Variants in CCDC180 observed in about 807,000 individuals in gnomAD.
CCDC180 encodes the protein coiled-coil domain-containing protein 180.
A neutral mutation model predicts 209.2 loss-of-function variants in CCDC180; 154 were observed. The observed-to-expected ratio is 0.74, with a 90% CI of 0.65 to 0.84. The LOEUF (loss-of-function observed/expected upper bound fraction) is 0.84. CCDC180 is among the 40% of genes least tolerant of loss of function. The probability of loss-of-function intolerance (pLI) is 0.00; values close to 1 mark genes in which losing one functional copy is unlikely to be tolerated. For synonymous variants in CCDC180, 778 were observed against 749.1 expected, an observed-to-expected ratio of 1.04 and a Z score of -0.63; for missense variants, 1,874 against 1,997.3, an observed-to-expected ratio of 0.94 and a Z score of 1.18.
In CCDC180 at chr9:97,369,908, C is replaced by T. The variant is rs761729599; in HGVS notation, c.4190-14C>T. The T allele has an allele frequency of 6.8e-6, 11 of 1,613,808 alleles. No homozygotes were observed. The highest frequency in any genetic ancestry group is 3.3e-5 in the Admixed American group (2 of 59,990). On this transcript the variant is annotated splice_polypyrimidine_tract_variant and intron_variant, in intron 31 of 36. Coordinates refer to ENST00000529487, the MANE Select transcript of CCDC180 (RefSeq NM_020893.6). Reference sequence around the variant, plus strand: ...CTGTTCCCTCCCTTGGCCTCTTACCCGCACTTCTGGCAGAATTACGGATCC... The same window carrying T: ...CTGTTCCCTCCCTTGGCCTCTTACCTGCACTTCTGGCAGAATTACGGATCC...
intron 34 of CCDC180, 146 bp from the exon 35 acceptor site, chr9:97,374,397 T>C: frequency 3.2e-6 from 2 of 624,280 alleles, no homozygotes; most frequent in Non-Finnish European, 5.6e-6. Flanking sequence ...GCATTCAGCT[T>C]CTCCATGGAG....
chr9:97,324,938 A>T (rs3747498), intron 13 of CCDC180, 81 bp from the exon 14 acceptor site: 2 of 1,338,582 alleles, frequency 1.5e-6, no homozygotes, highest in Admixed American at 4.2e-5. Flanking sequence ...CGTTAGAGAC[A>T]GGGGGTCCCA....
At position 97,330,579 on chromosome 9, in the gene CCDC180, A is replaced by G. The variant is rs1825708947; in HGVS notation, c.2086A>G (p.Met696Val). ...AGGCTCTATTCAGGGACTGGAAGAAATGCAGGTTGAAAGAGAGGGCTCCTT... is the reference window on the plus strand; with the variant it reads ...AGGCTCTATTCAGGGACTGGAAGAAGTGCAGGTTGAAAGAGAGGGCTCCTT... ...KEGSIQGLEEMQVEREGSLNP... is the reference protein window; with the variant it reads ...KEGSIQGLEEVQVEREGSLNP... Residue 696 changes from methionine (M) to valine (V), a missense_variant, in exon 18 of 37, where the codon ATG becomes GTG. Coordinates refer to ENST00000529487, the MANE Select transcript of CCDC180 (RefSeq NM_020893.6). 6.2e-7 allele frequency: 1 copy of G among 1,614,042 alleles called. No individual in the cohort carries two copies. The highest frequency in any genetic ancestry group is 1.3e-5 in the African/African-American group (1 of 74,904).
chr9:97,343,336 T>C lies in CCDC180; in HGVS notation c.2275-4T>C. The stretch of plus-strand genomic sequence containing the variant: ...AGTCAACTTTAGTGTTATTGCCTGC[T>C]TAGGAAGAAGACAAGGAAGAGGGTC... On this transcript the variant is annotated splice_region_variant and splice_polypyrimidine_tract_variant and intron_variant, in intron 18 of 36. Transcript: ENST00000529487. The C allele has an allele frequency of 1.3e-6, 2 of 1,587,188 alleles. No homozygotes were observed. Among genetic ancestry groups the C allele is most frequent in the Non-Finnish European group, 1.7e-6 (2 of 1,156,036 alleles).
Position 97,360,057 on chromosome 9 carries a change from A to G in CCDC180, c.3439A>G (p.Asn1147Asp). 1 of 1,614,050 alleles carries G rather than the reference A, an allele frequency of 6.2e-7. No homozygotes were observed. Among genetic ancestry groups the G allele is most frequent in the Non-Finnish European group, 8.5e-7 (1 of 1,179,940 alleles). Residue 1147 changes from asparagine (N) to aspartate (D), a missense_variant, in exon 26 of 37, where the codon AAC (asparagine) becomes GAC (aspartate). Asn to Asp is a conservative substitution (Grantham distance 23, BLOSUM62 1). Transcript: ENST00000529487. ...EKLSQRIQYL[N>D]CSLDRVSMTE... ...ACTGAGCCAGAGGATTCAGTACCTT[A>G]ACTGCAGCCTGGACAGGGTGTCCAT... is the stretch of plus-strand genomic sequence containing the variant.
rs775549438 is a variant in CCDC180 at position 97,322,843 on chromosome 9, C to T, written c.1170C>T (p.His390=). 26 of 1,613,978 alleles carry T rather than the reference C, an allele frequency of 1.6e-5. No individual in the cohort carries two copies. The Admixed American group carries it at 3.0e-4, about 19-fold the overall frequency. Residue 390 remains histidine, a synonymous_variant, in exon 12 of 37, where the codon CAC becomes CAT. Transcript: ENST00000529487. ...NSLNKELDTY[H]VDCMMRIRLL... ...TTTCTGCCCATGGAGACACCTACCA[C>T]GTGGACTGCATGATGCGGATCCGCC...
chr9:97,355,007 A>G lies in CCDC180; in HGVS notation c.3263A>G (p.Gln1088Arg), dbSNP rs2118840499. The stretch of plus-strand genomic sequence containing the variant: ...AATCTGCAAGTGAAAATCAAGTGCC[A>G]GGTAGGATAGATTCATTCTTCATCA... The part of the protein sequence containing the change: ...LTNLQVKIKC[Q>R]VAKSNSQTNG... Residue 1088 changes from glutamine (Q) to arginine (R), a missense_variant and splice_region_variant, in exon 24 of 37, where the codon CAG becomes CGG. Physicochemically the swap from Gln to Arg is conservative, Grantham distance 43 (BLOSUM62 1). Transcript: ENST00000529487. The G allele has an allele frequency of 6.3e-7, 1 of 1,586,992 alleles. No homozygotes were observed. The highest frequency in any genetic ancestry group is 1.3e-5 in the African/African-American group (1 of 74,448).
At chr9:97,354,527 AGG>A (rs1826513108) in intron 22 of CCDC180, 40 bp from the exon 23 acceptor site, 1 of 1,606,218 alleles carries the variant, frequency 6.2e-7, no homozygotes, top group East Asian at 2.2e-5. Flanking sequence ...GAGAACTCTT[AGG>A]TCTGATCTGT....
At chr9:97,309,740 T>C (rs1203699191) in intron 3 of CCDC180, 136 bp downstream of exon 3, 1 of 638,956 alleles carries the variant, frequency 1.6e-6, no homozygotes, top group African/African-American at 1.9e-5. Flanking sequence ...GGGAGGCTAA[T>C]ACCTACCTTG....
At chr9:97,341,813 T>A (rs1208753268) in intron 18 of CCDC180, among the ~76,000 whole-genome samples, 1 of 152,224 alleles carries the variant, frequency 6.6e-6, no homozygotes, top group Non-Finnish European at 1.5e-5. Context: ...CAGGTGGGCC[T>A]CGTTGAGCTG....
At chr9:97,344,052 A>G (rs1181509155) in intron 19 of CCDC180, among the ~76,000 whole-genome samples, 2 of 152,244 alleles carry the variant, frequency 1.3e-5, no homozygotes, top group Non-Finnish European at 2.9e-5. Flanking sequence ...AGATACTGCC[A>G]AAGAGTTTTT....
At chr9:97,346,150 A>G (rs1826257149) in intron 19 of CCDC180, among the ~76,000 whole-genome samples, 1 of 152,196 alleles carries the variant, frequency 6.6e-6, no homozygotes, top group African/African-American at 2.4e-5. Context: ...CTGCTCTGCT[A>G]CGTGTCTTTT....
intron 22 of CCDC180, among the ~76,000 whole-genome samples, chr9:97,351,171 T>C (rs925591259): frequency 1.8e-4 from 27 of 152,234 alleles, no homozygotes; most frequent in African/African-American, 6.5e-4. Flanking sequence ...GGGTATTTCC[T>C]AGAAGTGGAA....
intron 29 of CCDC180, 26 bp from the exon 30 acceptor site, chr9:97,365,647 A>C: frequency 1.2e-6 from 2 of 1,609,742 alleles, no homozygotes; most frequent in Non-Finnish European, 1.7e-6. Flanking sequence ...CAGGCCCCTC[A>C]GGGATCTGTC....
chr9:97,338,163 C>G (rs909093688), intron 18 of CCDC180, among the ~76,000 whole-genome samples: 14 of 152,200 alleles, frequency 9.2e-5, no homozygotes, highest in African/African-American at 3.4e-4. Flanking sequence ...CTATCTCCTT[C>G]AGTTCTGCTC....
chr9:97,309,704 A>C (rs1157074572), intron 3 of CCDC180, 100 bp downstream of exon 3: 5 of 988,594 alleles, frequency 5.1e-6, no homozygotes, highest in East Asian at 3.0e-5. Flanking sequence ...TGTAGGAATG[A>C]AGTCTCAAGT....
rs569405344 is a variant in CCDC180, at chr9:97,320,073, G to A, written c.1080-53G>A. The A allele has an allele frequency of 4.0e-5, 55 of 1,385,658 alleles. No individual in the cohort carries two copies. The East Asian group carries it at 9.4e-4, about 24-fold the overall frequency. 85.8% of individuals were successfully genotyped at this position (1,385,658 alleles called of 1,614,324 possible). A position where few individuals can be genotyped will look rare whatever the true frequency, so the allele number is the denominator to read the frequency against. On this transcript the variant is annotated intron_variant, in intron 10 of 36. Coordinates refer to ENST00000529487, the MANE Select transcript of CCDC180 (RefSeq NM_020893.6). ...TTCCTTGAAGATGCTACCCATTTTGGTGAGTAAACGGTTTGTTCCTGTGTG... is the reference window on the plus strand; with the variant it reads ...TTCCTTGAAGATGCTACCCATTTTGATGAGTAAACGGTTTGTTCCTGTGTG...
chr9:97,367,464 C>CT, intron 31 of CCDC180, among the ~76,000 whole-genome samples: 1 of 135,222 alleles, frequency 7.4e-6, no homozygotes. Context: ...CCTCAGTTTT[C>CT]TATTTTTTTT....
chr9:97,357,197 A>G (rs1002666540), intron 24 of CCDC180, among the ~76,000 whole-genome samples: 1 of 151,964 alleles, frequency 6.6e-6, no homozygotes, highest in Non-Finnish European at 1.5e-5. Flanking sequence ...ACGGCTCTCT[A>G]AGCTTTCCAG....
Sources: allele counts gnomAD v4.1 joint callset (sites outside exome capture counted in the v4.1 genomes callset), GRCh38; gene constraint gnomAD v4.1.1; transcripts MANE v1.5; gene names NCBI Gene and HGNC (gene_info 2026-07-23, HGNC 2026-07-21).